Variants in STXBP5L observed in about 807,000 individuals in gnomAD.
STXBP5L encodes syntaxin-binding protein 5-like.
STXBP5L carries 65 observed loss-of-function variants against 144.5 expected under a neutral mutation model. That is an observed-to-expected ratio of 0.45 (90% CI 0.37 to 0.55). The LOEUF is 0.55. Ranked by LOEUF, STXBP5L falls within the 20% of genes least tolerant of loss-of-function variation. STXBP5L has a pLI of 0.00. For missense variants in STXBP5L, 1,298 were observed against 1,405.5 expected (o/e 0.92, Z 1.22); for synonymous variants, 505 against 469.6 (o/e 1.08, Z -0.97).
At chr3:121,321,243 T>G (rs1419042660) in intron 20 of STXBP5L, among the ~76,000 whole-genome samples, 2 of 152,242 alleles carry the variant, frequency 1.3e-5, no homozygotes, top group Non-Finnish European at 2.9e-5. Context: ...TGAGAGATTT[T>G]TTTTTCCTTA....
At chr3:121,031,172 G>A (rs948428952) in intron 3 of STXBP5L, among the ~76,000 whole-genome samples, 4 of 152,080 alleles carry the variant, frequency 2.6e-5, no homozygotes, top group Non-Finnish European at 4.4e-5. Flanking sequence ...TATTATTCTC[G>A]TGGCAGGAGA....
In STXBP5L at chr3:121,386,745, T is replaced by C. The variant is rs912521494; in HGVS notation, c.2587+5213T>C. On this transcript the variant is annotated intron_variant, in intron 22 of 26. Coordinates refer to ENST00000471454, the MANE Select transcript of STXBP5L (RefSeq NM_001308330.2). The stretch of plus-strand genomic sequence containing the variant: ...CAAAGGACATGAACTCATCCTTTTT[T>C]ATGGCTGCGTAGTATTACATGGTAT... 4.6e-5 allele frequency among the ~76,000 whole-genome samples: 7 copies of C among 152,340 alleles called. No homozygotes were observed. In the East Asian group the frequency reaches 9.6e-4, roughly 21 times the overall value.
intron 18 of STXBP5L, among the ~76,000 whole-genome samples, chr3:121,262,146 A>G (rs1455158850): frequency 3.3e-5 from 5 of 152,130 alleles, no homozygotes; most frequent in African/African-American, 1.2e-4. Context: ...AACTCTTAAT[A>G]CCATCACCTT....
chr3:121,094,586 G>C (rs1444646839), intron 5 of STXBP5L, among the ~76,000 whole-genome samples: 1 of 151,866 alleles, frequency 6.6e-6, no homozygotes, highest in African/African-American at 2.4e-5. Flanking sequence ...CAGAGACTAG[G>C]ATTGCAACCC....
intron 21 of STXBP5L, among the ~76,000 whole-genome samples, chr3:121,379,432 A>G (rs1199994543): frequency 6.6e-6 from 1 of 152,116 alleles, no homozygotes; most frequent in Admixed American, 6.6e-5. Flanking sequence ...ATTTTTACAG[A>G]GGCAAAAAAA....
chr3:120,913,397 T>C lies in STXBP5L; in HGVS notation c.189+3630T>C, dbSNP rs147723029. On this transcript the variant is annotated intron_variant, in intron 2 of 26. Transcript: ENST00000471454. The stretch of plus-strand genomic sequence containing the variant: ...TTTGAATGGCCCCACAGGAGATTTC[T>C]ATGCACAGCCATTAGTGAAAACCAT... Among the ~76,000 whole-genome samples the C allele has an allele frequency of 1.6e-3, 241 of 152,122 alleles. 1 individual carries two copies. The highest frequency in any genetic ancestry group is 5.3e-3 in the African/African-American group (219 of 41,566).
chr3:120,989,931 C>T (rs996694317), intron 3 of STXBP5L, among the ~76,000 whole-genome samples: 1 of 152,150 alleles, frequency 6.6e-6, no homozygotes, highest in Non-Finnish European at 1.5e-5. Flanking sequence ...CACTTCTGCT[C>T]AACATAGTGT....
intron 3 of STXBP5L, among the ~76,000 whole-genome samples, chr3:120,963,608 C>T (rs1251578803): frequency 1.3e-5 from 2 of 152,122 alleles, no homozygotes; most frequent in African/African-American, 4.8e-5. Flanking sequence ...AGTCTTGCAT[C>T]CCAGGGATGA....
At chr3:120,986,428 A>G (rs1028547126) in intron 3 of STXBP5L, among the ~76,000 whole-genome samples, 2 of 151,876 alleles carry the variant, frequency 1.3e-5, no homozygotes, top group African/African-American at 4.8e-5. Context: ...TTTATATTCT[A>G]TCTGGTTGTT....
chr3:120,957,320 T>A (rs952821044), intron 3 of STXBP5L, among the ~76,000 whole-genome samples: 1 of 152,028 alleles, frequency 6.6e-6, no homozygotes, highest in Admixed American at 6.6e-5. Flanking sequence ...ATTGATTATG[T>A]TACTGTGATA....
chr3:121,123,282 A>T (rs2044551731), intron 7 of STXBP5L, among the ~76,000 whole-genome samples: 1 of 151,658 alleles, frequency 6.6e-6, no homozygotes, highest in Admixed American at 6.6e-5. Flanking sequence ...CATTATCAAC[A>T]TTTAAAACAT....
intron 16 of STXBP5L, 122 bp from the exon 17 acceptor site, chr3:121,257,039 G>A (rs907855836): frequency 2.8e-6 from 2 of 706,250 alleles, no homozygotes; most frequent in Non-Finnish European, 4.4e-6. Context: ...GAAAAAAACT[G>A]TGTGAATGAT....
intron 20 of STXBP5L, among the ~76,000 whole-genome samples, chr3:121,332,371 T>A (rs2044348271): frequency 8.2e-6 from 1 of 121,350 alleles, no homozygotes; most frequent in Non-Finnish European, 1.8e-5. Flanking sequence ...CAATTCAGGA[T>A]ATGAATAAAA....
intron 5 of STXBP5L, among the ~76,000 whole-genome samples, chr3:121,110,108 TG>T (rs770475496): frequency 2.0e-5 from 3 of 152,168 alleles, no homozygotes; most frequent in Non-Finnish European, 1.5e-5. Context: ...TGTCCCTGCA[TG>T]TGAGAAGGGT....
intron 7 of STXBP5L, among the ~76,000 whole-genome samples, chr3:121,136,444 A>G (rs995019810): frequency 1.3e-5 from 2 of 152,250 alleles, no homozygotes; most frequent in Admixed American, 1.3e-4. Context: ...CTACTTCAGC[A>G]GCCTTGAGAC....
rs1302025566 is a variant in STXBP5L at position 121,257,502 on chromosome 3, A to G, written c.1832+169A>G. On this transcript the variant is annotated intron_variant, in intron 17 of 26. Transcript: ENST00000471454. ...TTTGAACATCTGTGAAGAGGGCATA[A>G]TATTTTCACCCTTCATTCACTTATT... Among the ~76,000 whole-genome samples, 5 of 152,332 alleles carry G rather than the reference A, an allele frequency of 3.3e-5. No individual in the cohort carries two copies. In the East Asian group the frequency reaches 7.7e-4, roughly 23 times the overall value.
At chr3:120,955,679 A>G (rs1198577933) in intron 3 of STXBP5L, among the ~76,000 whole-genome samples, 1 of 152,014 alleles carries the variant, frequency 6.6e-6, no homozygotes, top group African/African-American at 2.4e-5. Flanking sequence ...GTAGCATCTT[A>G]AAAAACTATA....
chr3:121,063,341 A>G (rs1166895960), intron 5 of STXBP5L, among the ~76,000 whole-genome samples: 1 of 152,178 alleles, frequency 6.6e-6, no homozygotes. Flanking sequence ...AGAACAGCAA[A>G]GATTGCTGCC....
chr3:121,281,030 G>A (rs2051043022), intron 19 of STXBP5L, among the ~76,000 whole-genome samples: 1 of 151,128 alleles, frequency 6.6e-6, no homozygotes, highest in Non-Finnish European at 1.5e-5. Flanking sequence ...TATGACCATA[G>A]GAAAATATAA....
Sources: allele counts gnomAD v4.1 joint callset (sites outside exome capture counted in the v4.1 genomes callset), GRCh38; gene constraint gnomAD v4.1.1; transcripts MANE v1.5; gene names NCBI Gene and HGNC (gene_info 2026-07-23, HGNC 2026-07-21).